The following MBD5 variants were observed in gnomAD, a reference collection of about 807,000 sequenced individuals.
MBD5 encodes methyl-CpG binding domain protein 5, also known as methyl-CpG-binding domain protein 5.
Under a neutral mutation model 117.3 loss-of-function variants are expected in MBD5, and 13 were observed. That is an observed-to-expected ratio of 0.11 (90% CI 0.07 to 0.18). The LOEUF (loss-of-function observed/expected upper bound fraction) is 0.18. Among genes scored for constraint, MBD5 ranks in the 10% least tolerant of loss-of-function variants. The probability of loss-of-function intolerance (pLI) is 1.00; values close to 1 mark genes in which losing one functional copy is unlikely to be tolerated. For missense variants in MBD5, 1,879 were observed against 2,093.8 expected, an observed-to-expected ratio of 0.90 and a Z score of 2.00; for synonymous variants, 727 against 766.4, an observed-to-expected ratio of 0.95 and a Z score of 0.85.
intron 3 of MBD5, among the ~76,000 whole-genome samples, chr2:148,310,147 AT>A (rs1236022596): frequency 6.6e-6 from 1 of 152,142 alleles, no homozygotes; most frequent in Non-Finnish European, 1.5e-5. Context: ...TATCAGAGTG[AT>A]GCTGCCCTCA....
At chr2:148,201,787 A>G (rs1231215641) in intron 2 of MBD5, among the ~76,000 whole-genome samples, 1 of 152,152 alleles carries the variant, frequency 6.6e-6, no homozygotes, top group African/African-American at 2.4e-5. Context: ...GTGTGGCTGG[A>G]TCTGAGGCTT....
At chr2:148,203,743 T>A (rs1699201663) in intron 2 of MBD5, among the ~76,000 whole-genome samples, 1 of 152,116 alleles carries the variant, frequency 6.6e-6, no homozygotes, top group South Asian at 2.1e-4. Context: ...TAAAGCTGAG[T>A]CTAGCAAGAT....
At chr2:148,500,259 G>A (rs78688112) in intron 11 of MBD5, among the ~76,000 whole-genome samples, 3,350 of 151,964 alleles carry the variant, frequency 0.022, 127 homozygotes, top group African/African-American at 0.075. Context: ...GTGTGCCTGT[G>A]TGTGTGTATT....
intron 2 of MBD5, among the ~76,000 whole-genome samples, chr2:148,205,013 A>G (rs1699241255): frequency 1.3e-5 from 2 of 152,036 alleles, no homozygotes. Context: ...TATTCCCTAA[A>G]AATATACCAC....
chr2:148,274,435 C>T (rs1349159961), intron 3 of MBD5, among the ~76,000 whole-genome samples: 2 of 147,588 alleles, frequency 1.4e-5, no homozygotes, highest in African/African-American at 2.5e-5. Context: ...GAAATAATCT[C>T]GACCTTTAAC....
chr2:148,060,710 G>C (rs985713702), intron 1 of MBD5, among the ~76,000 whole-genome samples: 1 of 151,906 alleles, frequency 6.6e-6, no homozygotes, highest in Non-Finnish European at 1.5e-5. Context: ...TGATTGATAG[G>C]GTATGATTAT....
At chr2:148,384,892 G>A (rs776643865) in intron 4 of MBD5, among the ~76,000 whole-genome samples, 1,692 of 151,846 alleles carry the variant, frequency 0.011, 15 homozygotes, top group Middle Eastern at 0.02. Flanking sequence ...ATGGTGCTGG[G>A]AAAACTGGCT....
intron 1 of MBD5, among the ~76,000 whole-genome samples, chr2:148,091,549 A>C (rs1401065937): frequency 6.6e-6 from 1 of 152,080 alleles, no homozygotes; most frequent in East Asian, 1.9e-4. Flanking sequence ...CAGAAACATA[A>C]AGTGGAGAAA....
intron 1 of MBD5, chr2:148,027,669 A>C (rs2105562203): frequency 6.6e-6 from 1 of 152,216 alleles, no homozygotes. Flanking sequence ...CAAATCTGTA[A>C]AAATCCAAAA....
At chr2:148,171,592 C>T (rs991500926) in intron 1 of MBD5, among the ~76,000 whole-genome samples, 2 of 152,096 alleles carry the variant, frequency 1.3e-5, no homozygotes, top group Non-Finnish European at 2.9e-5. Flanking sequence ...CTCTCTTTCT[C>T]ATTATAGTAC....
Position 148,090,012 on chromosome 2 carries a change from C to A in MBD5, c.-925+68328C>A, listed in dbSNP as rs13386143. On this transcript the variant is annotated intron_variant, in intron 1 of 13. Transcript: ENST00000642680. Reference sequence around the variant, plus strand: ...GAAACAAAATGGGAGATACTACAAACAATACCACAGATATACAAAAGATCA... The same window carrying A: ...GAAACAAAATGGGAGATACTACAAAAAATACCACAGATATACAAAAGATCA... Among the ~76,000 whole-genome samples the A allele has an allele frequency of 9.9e-3, 1,503 of 151,894 alleles. 29 individuals are homozygous for A. Among genetic ancestry groups the A allele is most frequent in the African/African-American group, 0.034 (1,425 of 41,484 alleles).
intron 2 of MBD5, among the ~76,000 whole-genome samples, chr2:148,230,634 C>T (rs934182031): frequency 5.3e-5 from 8 of 152,142 alleles, no homozygotes; most frequent in African/African-American, 1.9e-4. Context: ...CCTGTACCCA[C>T]CACAACTAGG....
chr2:148,341,574 A>AT (rs1435738954), intron 3 of MBD5, among the ~76,000 whole-genome samples: 2 of 151,776 alleles, frequency 1.3e-5, no homozygotes, highest in African/African-American at 2.4e-5. Context: ...ATTTTTTGGT[A>AT]TTTTTTGGTA....
At chr2:148,288,046 T>A (rs1031490233) in intron 3 of MBD5, among the ~76,000 whole-genome samples, 2 of 120,520 alleles carry the variant, frequency 1.7e-5, no homozygotes, top group African/African-American at 5.1e-5. Flanking sequence ...CATTTTTAAG[T>A]ACCATGAAAG....
At chr2:148,380,079 C>G (rs1195749529) in intron 4 of MBD5, among the ~76,000 whole-genome samples, 2 of 151,974 alleles carry the variant, frequency 1.3e-5, no homozygotes, top group Non-Finnish European at 2.9e-5. Context: ...CAAACACCAA[C>G]CAAAACAAAA....
chr2:148,217,524 A>C (rs1699585970), intron 2 of MBD5, among the ~76,000 whole-genome samples: 2 of 152,222 alleles, frequency 1.3e-5, no homozygotes, highest in African/African-American at 4.8e-5. Flanking sequence ...AATCCTAAGC[A>C]GACTTACTCT....
chr2:148,155,283 A>G (rs1033476891), intron 1 of MBD5, among the ~76,000 whole-genome samples: 1 of 152,146 alleles, frequency 6.6e-6, no homozygotes, highest in Non-Finnish European at 1.5e-5. Context: ...CTGGGGGAAG[A>G]CTGTTACAGG....
At chr2:148,477,427 C>A (rs1681004592) in intron 8 of MBD5, among the ~76,000 whole-genome samples, 1 of 152,098 alleles carries the variant, frequency 6.6e-6, no homozygotes, top group African/African-American at 2.4e-5. Context: ...GATTTCGTTT[C>A]TATTGCTGCT....
At chr2:148,336,858 C>G (rs1007997206) in intron 3 of MBD5, among the ~76,000 whole-genome samples, 1 of 152,170 alleles carries the variant, frequency 6.6e-6, no homozygotes, top group Non-Finnish European at 1.5e-5. Flanking sequence ...TATGTCAGTT[C>G]CGCTTGCTTG....
Sources: allele counts gnomAD v4.1 joint callset (sites outside exome capture counted in the v4.1 genomes callset), GRCh38; gene constraint gnomAD v4.1.1; transcripts MANE v1.5; gene names NCBI Gene and HGNC (gene_info 2026-07-23, HGNC 2026-07-21).